SLIT3: variants seen among roughly 807,000 people sequenced by gnomAD.
The protein encoded by SLIT3 is slit homolog 3 protein.
SLIT3 carries 68 observed loss-of-function variants against 184.0 expected under a neutral mutation model. That is an observed-to-expected ratio of 0.37 (90% CI 0.30 to 0.45). SLIT3 has a LOEUF of 0.45. SLIT3 is among the 20% of genes least tolerant of loss of function. The probability of loss-of-function intolerance (pLI) is 1.00; values close to 1 mark genes in which losing one functional copy is unlikely to be tolerated. For synonymous variants in SLIT3, 831 were observed against 828.6 expected, an observed-to-expected ratio of 1.00 and a Z score of -0.05; for missense variants, 1,707 against 2,026.0, an observed-to-expected ratio of 0.84 and a Z score of 3.02.
chr5:168,928,207 C>T (rs1052770618), intron 4 of SLIT3, among the ~76,000 whole-genome samples: 1 of 152,098 alleles, frequency 6.6e-6, no homozygotes, highest in Non-Finnish European at 1.5e-5. Context: ...TTTACAAATA[C>T]TCTTCCCTTT....
chr5:169,033,996 T>C (rs1033633473), intron 4 of SLIT3, among the ~76,000 whole-genome samples: 1 of 151,982 alleles, frequency 6.6e-6, no homozygotes, highest in African/African-American at 2.4e-5. Flanking sequence ...GTATTTTTAG[T>C]AGAGACGGGT....
intron 2 of SLIT3, among the ~76,000 whole-genome samples, chr5:169,247,644 T>C (rs951395869): frequency 6.6e-6 from 1 of 152,148 alleles, no homozygotes; most frequent in Non-Finnish European, 1.5e-5. Context: ...AAAGCTGACT[T>C]TTATTGGCTT....
intron 18 of SLIT3, 85 bp downstream of exon 18, chr5:168,752,870 G>T: frequency 7.4e-7 from 1 of 1,351,696 alleles, no homozygotes; most frequent in Non-Finnish European, 1.0e-6. Flanking sequence ...GATGAGCCTG[G>T]CTAGAGGTAG....
chr5:168,921,668 G>A (rs77297495), intron 4 of SLIT3, among the ~76,000 whole-genome samples: 2,421 of 152,160 alleles, frequency 0.016, 59 homozygotes, highest in African/African-American at 0.054. Flanking sequence ...TCTTTCCTCC[G>A]GCTGCATCTC....
intron 20 of SLIT3, among the ~76,000 whole-genome samples, chr5:168,738,320 T>A (rs115393623): frequency 3.4e-4 from 51 of 152,234 alleles, no homozygotes; most frequent in Non-Finnish European, 6.8e-4. Context: ...ATTCTTCACC[T>A]CTGTGCACTT....
intron 7 of SLIT3, among the ~76,000 whole-genome samples, chr5:168,819,888 C>T (rs1757466543): frequency 6.6e-6 from 1 of 152,086 alleles, no homozygotes; most frequent in Non-Finnish European, 1.5e-5. Flanking sequence ...AGAGGTGACC[C>T]AGACTGATTT....
rs567642190 is a variant in SLIT3 at position 168,901,333 on chromosome 5, G to A, written c.414-17997C>T. On this transcript the variant is annotated intron_variant, in intron 4 of 35. Transcript: ENST00000519560. ...GAGCTGAGATGACACCACTGCACTC[G>A]AGCCTGGGTGACAGAGTGAGACTCC... Among the ~76,000 whole-genome samples, 325 of 151,416 alleles carry A rather than the reference G, an allele frequency of 2.1e-3. 3 individuals are homozygous for A. The highest frequency in any genetic ancestry group is 7.5e-3 in the African/African-American group (311 of 41,400).
At chr5:169,146,312 G>C (rs769913995) in intron 4 of SLIT3, among the ~76,000 whole-genome samples, 2 of 152,224 alleles carry the variant, frequency 1.3e-5, no homozygotes, top group Non-Finnish European at 2.9e-5. Context: ...GCACAGGCTG[G>C]TGATGTTGCA....
At chr5:168,926,042 C>T (rs1761810757) in intron 4 of SLIT3, among the ~76,000 whole-genome samples, 1 of 152,184 alleles carries the variant, frequency 6.6e-6, no homozygotes, top group Non-Finnish European at 1.5e-5. Context: ...GATAACACTG[C>T]TTTTCTCTTG....
chr5:169,073,915 A>G (rs1758645315), intron 4 of SLIT3, among the ~76,000 whole-genome samples: 1 of 152,174 alleles, frequency 6.6e-6, no homozygotes, highest in Non-Finnish European at 1.5e-5. Flanking sequence ...ATGCAGCTGG[A>G]CAATACAGAC....
intron 23 of SLIT3, among the ~76,000 whole-genome samples, chr5:168,721,529 G>A (rs922493749): frequency 6.6e-6 from 1 of 152,186 alleles, no homozygotes; most frequent in African/African-American, 2.4e-5. Flanking sequence ...AGGCAGGCGA[G>A]GAGAGTGGGC....
intron 4 of SLIT3, among the ~76,000 whole-genome samples, chr5:168,992,269 G>C (rs551001109): frequency 6.6e-6 from 1 of 152,188 alleles, no homozygotes; most frequent in Non-Finnish European, 1.5e-5. Context: ...CAGCCAAGGA[G>C]TCTGTGGAAA....
At chr5:168,906,687 A>T (rs1267033292) in intron 4 of SLIT3, among the ~76,000 whole-genome samples, 2 of 152,148 alleles carry the variant, frequency 1.3e-5, no homozygotes, top group Non-Finnish European at 2.9e-5. Context: ...ATTTCTGGCC[A>T]AAAACATGTA....
At chr5:169,007,144 C>T (rs1389586946) in intron 4 of SLIT3, among the ~76,000 whole-genome samples, 1 of 152,208 alleles carries the variant, frequency 6.6e-6, no homozygotes, top group Non-Finnish European at 1.5e-5. Context: ...CTGCTCTTCT[C>T]TCTCCTGCCA....
intron 4 of SLIT3, among the ~76,000 whole-genome samples, chr5:169,088,052 C>T (rs1043677343): frequency 2.6e-5 from 4 of 152,186 alleles, no homozygotes; most frequent in Non-Finnish European, 5.9e-5. Flanking sequence ...GGCAGAGGTG[C>T]CCCTAGCTGC....
At chr5:169,119,491 T>C (rs1403003001) in intron 4 of SLIT3, among the ~76,000 whole-genome samples, 1 of 152,240 alleles carries the variant, frequency 6.6e-6, no homozygotes, top group Non-Finnish European at 1.5e-5. Context: ...AGTGGCTAAT[T>C]CATCTCCAAG....
chr5:168,749,351 C>A, intron 19 of SLIT3, 121 bp downstream of exon 19: 1 of 1,165,396 alleles, frequency 8.6e-7, no homozygotes, highest in Non-Finnish European at 1.2e-6. Flanking sequence ...CTCCAGAGCT[C>A]CAGCTGCATG....
At chr5:168,830,114 T>A (rs1319999488) in intron 6 of SLIT3, among the ~76,000 whole-genome samples, 1 of 152,168 alleles carries the variant, frequency 6.6e-6, no homozygotes, top group African/African-American at 2.4e-5. Context: ...TGATCGTTAT[T>A]GGCTGACTCA....
chr5:169,180,608 A>G (rs1397991), intron 4 of SLIT3, among the ~76,000 whole-genome samples: 16,854 of 152,052 alleles, frequency 0.11, 1,892 homozygotes, highest in African/African-American at 0.27. Flanking sequence ...GAGATGGCAA[A>G]TTCTACCCAA....
Sources: gnomAD v4.1 joint callset for allele counts (sites outside exome capture counted in the v4.1 genomes callset) on GRCh38, gnomAD v4.1.1 for gene constraint, MANE v1.5 for transcripts, NCBI Gene and HGNC (gene_info 2026-07-23, HGNC 2026-07-21) for gene names.